The following KCNH8 variants were observed in gnomAD, a reference collection of about 807,000 sequenced individuals.
KCNH8 encodes potassium voltage-gated channel subfamily H member 8.
A neutral mutation model predicts 103.6 loss-of-function variants in KCNH8; 70 were observed. That is an observed-to-expected ratio of 0.68 (90% CI 0.56 to 0.82). KCNH8 has a LOEUF of 0.82. Among genes scored for constraint, KCNH8 ranks in the 40% least tolerant of loss-of-function variants. KCNH8 has a pLI of 0.00. For synonymous variants in KCNH8, 498 were observed against 489.4 expected (o/e 1.02, Z -0.23); for missense variants, 1,217 against 1,329.9 (o/e 0.92, Z 1.32).
At chr3:19,503,626 T>C (rs1285660288) in intron 11 of KCNH8, among the ~76,000 whole-genome samples, 1 of 152,046 alleles carries the variant, frequency 6.6e-6, no homozygotes, top group East Asian at 1.9e-4. Context: ...ACGTCCTTTG[T>C]AGGGACATGG....
chr3:19,502,454 C>G (rs980219996), intron 11 of KCNH8, among the ~76,000 whole-genome samples: 11 of 151,924 alleles, frequency 7.2e-5, no homozygotes, highest in Non-Finnish European at 1.2e-4. Context: ...AAAAAGAGCC[C>G]GCATCGCCAA....
intron 3 of KCNH8, among the ~76,000 whole-genome samples, chr3:19,313,746 T>A (rs1166791923): frequency 6.6e-6 from 1 of 151,800 alleles, no homozygotes; most frequent in African/African-American, 2.4e-5. Flanking sequence ...AGAAACACTT[T>A]CTAAGAAGTG....
At chr3:19,484,900 G>A (rs867963326) in intron 11 of KCNH8, among the ~76,000 whole-genome samples, 5 of 152,208 alleles carry the variant, frequency 3.3e-5, no homozygotes, top group Middle Eastern at 6.8e-3. Flanking sequence ...ATAGGAGGAG[G>A]CCTATGATAC....
chr3:19,309,290 A>T (rs1204446246), intron 3 of KCNH8, among the ~76,000 whole-genome samples: 2 of 151,956 alleles, frequency 1.3e-5, no homozygotes, highest in African/African-American at 4.8e-5. Flanking sequence ...ATGCTAGTTA[A>T]CTTCCATTTT....
At chr3:19,357,413 A>C (rs1384995358) in intron 5 of KCNH8, among the ~76,000 whole-genome samples, 1 of 151,846 alleles carries the variant, frequency 6.6e-6, no homozygotes, top group Non-Finnish European at 1.5e-5. Flanking sequence ...GGATGATATA[A>C]AATGTTCCTA....
chr3:19,514,037 A>G (rs1434245766), intron 13 of KCNH8, among the ~76,000 whole-genome samples: 1 of 151,976 alleles, frequency 6.6e-6, no homozygotes, highest in Non-Finnish European at 1.5e-5. Context: ...ATTTTGCGAG[A>G]TAATTTCACA....
chr3:19,464,016 T>C (rs1341856351), intron 11 of KCNH8, among the ~76,000 whole-genome samples: 2 of 152,180 alleles, frequency 1.3e-5, no homozygotes, highest in African/African-American at 2.4e-5. Flanking sequence ...AGTGTACAAT[T>C]TCCTAAGCTA....
chr3:19,451,542 G>A (rs371886509), intron 10 of KCNH8, 138 bp downstream of exon 10: 2 of 738,512 alleles, frequency 2.7e-6, no homozygotes. Flanking sequence ...CCTCATATGA[G>A]TTTAGTGTGC....
chr3:19,486,648 G>A (rs1435272153), intron 11 of KCNH8, among the ~76,000 whole-genome samples: 1 of 152,134 alleles, frequency 6.6e-6, no homozygotes, highest in Non-Finnish European at 1.5e-5. Context: ...TAGGGCACAG[G>A]CCAACGTAAG....
intron 1 of KCNH8, among the ~76,000 whole-genome samples, chr3:19,198,449 G>A (rs1177937696): frequency 6.6e-6 from 1 of 152,058 alleles, no homozygotes; most frequent in Non-Finnish European, 1.5e-5. Flanking sequence ...ACAAAATAAA[G>A]CTGGAGAAGT....
intron 2 of KCNH8, among the ~76,000 whole-genome samples, chr3:19,280,320 C>T (rs1255367575): frequency 3.9e-5 from 6 of 151,908 alleles, no homozygotes; most frequent in Non-Finnish European, 8.8e-5. Context: ...CTGAAAAATA[C>T]ATGTAAGCAT....
chr3:19,379,085 A>G (rs193001932), intron 5 of KCNH8, among the ~76,000 whole-genome samples: 5 of 152,340 alleles, frequency 3.3e-5, no homozygotes, highest in Admixed American at 3.3e-4. Flanking sequence ...ATCAGGTACT[A>G]TCTTGGGCAA....
intron 4 of KCNH8, among the ~76,000 whole-genome samples, chr3:19,344,100 T>C (rs192165711): frequency 4.7e-4 from 72 of 152,074 alleles, no homozygotes; most frequent in African/African-American, 1.7e-3. Flanking sequence ...TGCACACCAC[T>C]TGATCTATGG....
intron 11 of KCNH8, among the ~76,000 whole-genome samples, chr3:19,470,059 T>C (rs1271599888): frequency 6.6e-6 from 1 of 150,872 alleles, no homozygotes; most frequent in African/African-American, 2.5e-5. Flanking sequence ...TCTCAAATTA[T>C]ATTTAATTTT....
At chr3:19,175,182 A>G (rs1443195023) in intron 1 of KCNH8, among the ~76,000 whole-genome samples, 1 of 151,820 alleles carries the variant, frequency 6.6e-6, no homozygotes, top group Non-Finnish European at 1.5e-5. Context: ...TTCTCTAAGA[A>G]GTTGTTGACT....
At chr3:19,460,725 T>C (rs982197146) in intron 11 of KCNH8, among the ~76,000 whole-genome samples, 2 of 152,148 alleles carry the variant, frequency 1.3e-5, no homozygotes, top group African/African-American at 4.8e-5. Context: ...GTGTATCTCA[T>C]CTTGAATTGT....
intron 11 of KCNH8, among the ~76,000 whole-genome samples, chr3:19,493,419 G>T (rs2068369173): frequency 1.3e-5 from 2 of 152,114 alleles, no homozygotes; most frequent in African/African-American, 4.8e-5. Flanking sequence ...GATAGTGAGT[G>T]AATTAGATCT....
intron 1 of KCNH8, among the ~76,000 whole-genome samples, chr3:19,204,225 T>G (rs1028910790): frequency 1.3e-5 from 2 of 152,078 alleles, no homozygotes; most frequent in Admixed American, 1.3e-4. Context: ...TCTCTGTCTT[T>G]CCTCTGTCAT....
Position 19,429,162 on chromosome 3 carries a change from CTTTT to C in KCNH8, c.1178-8979_1178-8976del, listed in dbSNP as rs575154927. ...AAATGCATATGAGTCAGAATCCACT[CTTTT>C]TTTTTTTTTTTTTTTTTTTTTTGGA... is the stretch of plus-strand genomic sequence containing the variant. On this transcript the variant is annotated intron_variant, in intron 7 of 15. Coordinates refer to ENST00000328405, the MANE Select transcript of KCNH8 (RefSeq NM_144633.3). Among the ~76,000 whole-genome samples, 227 of 89,808 alleles carry C rather than the reference CTTTT, an allele frequency of 2.5e-3. 3 individuals are homozygous for C. The highest frequency in any genetic ancestry group is 3.6e-3 in the Non-Finnish European group (176 of 48,882). 58.9% of individuals were successfully genotyped at this position (89,808 alleles called of 152,430 possible).
Sources: allele counts gnomAD v4.1 joint callset (sites outside exome capture counted in the v4.1 genomes callset), GRCh38; gene constraint gnomAD v4.1.1; transcripts MANE v1.5; gene names NCBI Gene and HGNC (gene_info 2026-07-23, HGNC 2026-07-21).